DPYS: variants seen among roughly 807,000 people sequenced by gnomAD.
The protein encoded by DPYS is dihydropyrimidine amidohydrolase.
DPYS carries 39 observed loss-of-function variants against 50.3 expected under a neutral mutation model. That is an observed-to-expected ratio of 0.78 (90% CI 0.60 to 1.01). The LOEUF (loss-of-function observed/expected upper bound fraction) is 1.01, where lower values mean the gene tolerates loss of function less well. DPYS is among the 50% of genes least tolerant of loss of function. DPYS has a pLI of 0.00. For synonymous variants in DPYS, 245 were observed against 250.7 expected (o/e 0.98, Z 0.22); for missense variants, 659 against 680.9 (o/e 0.97, Z 0.36).
intron 8 of DPYS, among the ~76,000 whole-genome samples, chr8:104,382,539 T>TA (rs1554690067): frequency 2.8e-5 from 2 of 70,916 alleles, no homozygotes; most frequent in African/African-American, 2.4e-4. Context: ...TTGGTCCCTG[T>TA]TTTTTTTTTT....
At chr8:104,441,223 G>T (rs1179465349) in intron 4 of DPYS, among the ~76,000 whole-genome samples, 3 of 152,170 alleles carry the variant, frequency 2.0e-5, no homozygotes, top group Non-Finnish European at 4.4e-5. Context: ...AACGTTTAGG[G>T]AGGTATTTTA....
intron 7 of DPYS, chr8:104,411,825 C>G (rs531907147): frequency 2.6e-5 from 4 of 152,218 alleles, no homozygotes; most frequent in African/African-American, 9.6e-5. Context: ...CTTGCCCAGA[C>G]AGCACGCGGC....
In DPYS at chr8:104,466,587, C is replaced by T. The variant is rs1203717023; in HGVS notation, c.264+70G>A. The T allele has an allele frequency of 5.5e-6, 8 of 1,444,092 alleles. No homozygotes were observed. In the African/African-American group the frequency reaches 7.4e-5, roughly 13 times the overall value. The allele number at this position is 1,444,092 out of a possible 1,614,324, so 89.5% of individuals were successfully genotyped here. A position where few individuals can be genotyped will look rare whatever the true frequency, so the allele number is the denominator to read the frequency against. ...GCGCGAGGCGGCCCTGCTGAGGACC[C>T]CGGGACGACTGGGGAGGCTGCCCGA... is the stretch of plus-strand genomic sequence containing the variant. On this transcript the variant is annotated intron_variant, in intron 1 of 9. Coordinates refer to ENST00000351513, the MANE Select transcript of DPYS (RefSeq NM_001385.3).
chr8:104,388,726 A>G (rs1313633042), intron 8 of DPYS, among the ~76,000 whole-genome samples: 1 of 152,202 alleles, frequency 6.6e-6, no homozygotes, highest in Admixed American at 6.5e-5. Context: ...TCAGCTGTCT[A>G]CATTTTAAAA....
intron 3 of DPYS, 142 bp downstream of exon 3, chr8:104,447,182 G>A (rs891164495): frequency 1.4e-4 from 151 of 1,093,950 alleles, no homozygotes; most frequent in Non-Finnish European, 1.2e-4. Flanking sequence ...CAGAAAATCC[G>A]TTTCCGAGCC....
At chr8:104,432,230 A>G (rs954023409) in intron 4 of DPYS, among the ~76,000 whole-genome samples, 8 of 152,206 alleles carry the variant, frequency 5.3e-5, no homozygotes, top group Admixed American at 5.2e-4. Flanking sequence ...AAACAAACAA[A>G]AGATTCTGCC....
chr8:104,401,007 G>A (rs1037133410), intron 7 of DPYS, among the ~76,000 whole-genome samples: 6 of 152,318 alleles, frequency 3.9e-5, no homozygotes, highest in Admixed American at 1.3e-4. Context: ...GAGCATTGTG[G>A]AGAGGAAGAG....
At chr8:104,415,789 G>A (rs1160712624) in intron 7 of DPYS, among the ~76,000 whole-genome samples, 1 of 152,146 alleles carries the variant, frequency 6.6e-6, no homozygotes, top group Non-Finnish European at 1.5e-5. Context: ...AGAAACCTGG[G>A]AGACAGAGTT....
At chr8:104,438,402 C>G (rs568333689) in intron 4 of DPYS, among the ~76,000 whole-genome samples, 1 of 152,226 alleles carries the variant, frequency 6.6e-6, no homozygotes, top group South Asian at 2.1e-4. Flanking sequence ...AGAAACTTTG[C>G]AAGACAATAA....
chr8:104,393,369 T>C (rs1005031101), intron 7 of DPYS, among the ~76,000 whole-genome samples: 19 of 152,224 alleles, frequency 1.2e-4, no homozygotes, highest in African/African-American at 4.1e-4. Flanking sequence ...ACTGACCCTA[T>C]ATCCAGCTCT....
rs765735608 is a variant in DPYS, at chr8:104,392,884, T to TA, written c.1342dup (p.Tyr448LeufsTer2). 1.9e-6 allele frequency: 3 copies of TA among 1,614,114 alleles called. No individual in the cohort carries two copies. In the African/African-American group the frequency reaches 4.0e-5, roughly 22 times the overall value. On this transcript the variant is annotated frameshift_variant, in exon 8 of 10. Transcript: ENST00000351513. LOFTEE classifies it high-confidence loss of function. Reference sequence around the variant, plus strand: ...CGTGACACTGAACACTCCGGCTTCATATACCACTTTGCCTCTTGAAATAGT... The same window carrying TA: ...CGTGACACTGAACACTCCGGCTTCATAATACCACTTTGCCTCTTGAAATAGT...
intron 4 of DPYS, among the ~76,000 whole-genome samples, chr8:104,443,315 A>G (rs1001657238): frequency 1.1e-4 from 16 of 151,772 alleles, no homozygotes; most frequent in Admixed American, 9.2e-4. Flanking sequence ...CTTTAAGATG[A>G]GTATTTACAT....
At chr8:104,461,824 T>A (rs1365751113) in intron 1 of DPYS, among the ~76,000 whole-genome samples, 2 of 152,066 alleles carry the variant, frequency 1.3e-5, no homozygotes, top group South Asian at 2.1e-4. Context: ...TCAGAGAGGA[T>A]AATGAGGCCA....
intron 7 of DPYS, among the ~76,000 whole-genome samples, chr8:104,404,415 C>A (rs1215139162): frequency 6.6e-6 from 1 of 152,152 alleles, no homozygotes; most frequent in Middle Eastern, 3.2e-3. Context: ...TGCTCAAAAC[C>A]ATCAGTTGGT....
At chr8:104,382,681 G>A (rs888739921) in intron 8 of DPYS, among the ~76,000 whole-genome samples, 3 of 151,880 alleles carry the variant, frequency 2.0e-5, no homozygotes, top group Non-Finnish European at 2.9e-5. Context: ...CATAATTAAC[G>A]TAAGTATAAT....
chr8:104,447,376 T>C lies in DPYS; in HGVS notation c.551A>G (p.Glu184Gly), dbSNP rs759810064. 1.9e-6 allele frequency: 3 copies of C among 1,614,144 alleles called. No individual in the cohort carries two copies. Among genetic ancestry groups the C allele is most frequent in the Non-Finnish European group, 2.5e-6 (3 of 1,180,028 alleles). Residue 184 changes from glutamate (E) to glycine (G), a missense_variant, in exon 3 of 10, where the codon GAA becomes GGA. Glu to Gly is a moderately conservative substitution (Grantham distance 98). Coordinates refer to ENST00000351513, the MANE Select transcript of DPYS (RefSeq NM_001385.3). Reference sequence around the variant, plus strand: ...ATGGACCTGGGCAATTGCTCCAATTTCCTTGCACCGAGAGAAGGCTTCGTA... The same window carrying C: ...ATGGACCTGGGCAATTGCTCCAATTCCCTTGCACCGAGAGAAGGCTTCGTA... ...ELYEAFSRCK[E>G]IGAIAQVHAE...
chr8:104,437,421 C>T (rs997624068), intron 4 of DPYS, among the ~76,000 whole-genome samples: 4 of 152,266 alleles, frequency 2.6e-5, no homozygotes, highest in Admixed American at 1.3e-4. Context: ...ATCCTCACTG[C>T]TCATTATATA....
chr8:104,424,196 T>G, intron 7 of DPYS, 51 bp downstream of exon 7: 1 of 1,613,624 alleles, frequency 6.2e-7, no homozygotes, highest in East Asian at 2.2e-5. Context: ...CTGTGCAAGT[T>G]AGTGCATTTT....
chr8:104,437,160 C>G (rs1813181572), intron 4 of DPYS, among the ~76,000 whole-genome samples: 1 of 152,264 alleles, frequency 6.6e-6, no homozygotes, highest in South Asian at 2.1e-4. Flanking sequence ...GAGGAAAATA[C>G]AGAAGAAACA....
Sources: gnomAD v4.1 joint callset for allele counts (sites outside exome capture counted in the v4.1 genomes callset) on GRCh38, gnomAD v4.1.1 for gene constraint, MANE v1.5 for transcripts, NCBI Gene and HGNC (gene_info 2026-07-23, HGNC 2026-07-21) for gene names.